Variants in EYS observed in about 807,000 individuals in gnomAD.
EYS encodes protein eyes shut homolog.
EYS carries 250 observed loss-of-function variants against 282.1 expected under a neutral mutation model. The observed-to-expected ratio is 0.89, with a 90% confidence interval of 0.80 to 0.98. The LOEUF (loss-of-function observed/expected upper bound fraction) is 0.98. EYS is among the 50% of genes least tolerant of loss of function. The pLI is 0.00. For missense variants in EYS, 4,016 were observed against 3,709.0 expected, an observed-to-expected ratio of 1.08 and a Z score of -2.15; for synonymous variants, 1,355 against 1,282.9, an observed-to-expected ratio of 1.06 and a Z score of -1.20.
At chr6:64,856,589 G>A (rs1379699284) in intron 19 of EYS, among the ~76,000 whole-genome samples, 1 of 152,072 alleles carries the variant, frequency 6.6e-6, no homozygotes, top group Non-Finnish European at 1.5e-5. Context: ...GTGAGCCATG[G>A]TGCCTGGCCT....
chr6:64,469,218 G>T, intron 26 of EYS, among the ~76,000 whole-genome samples: 1 of 152,130 alleles, frequency 6.6e-6, no homozygotes, highest in East Asian at 1.9e-4. Context: ...ATCTTATTGT[G>T]ATTTTGATTT....
intron 30 of EYS, among the ~76,000 whole-genome samples, chr6:64,302,314 C>G (rs1398198893): frequency 6.6e-6 from 1 of 152,192 alleles, no homozygotes; most frequent in Non-Finnish European, 1.5e-5. Context: ...ACAGGCACAT[C>G]CCCTCTTTCA....
At chr6:65,020,341 A>T (rs781645937) in intron 13 of EYS, among the ~76,000 whole-genome samples, 1 of 152,172 alleles carries the variant, frequency 6.6e-6, no homozygotes, top group Non-Finnish European at 1.5e-5. Context: ...AAATGGACCC[A>T]TTTCAAAAGG....
At chr6:63,913,785 T>G (rs1764344243) in intron 35 of EYS, among the ~76,000 whole-genome samples, 1 of 152,226 alleles carries the variant, frequency 6.6e-6, no homozygotes, top group Non-Finnish European at 1.5e-5. Flanking sequence ...GCTATGAATA[T>G]TCAGGTACAG....
At chr6:65,209,724 T>C (rs1048553358) in intron 12 of EYS, among the ~76,000 whole-genome samples, 3 of 151,924 alleles carry the variant, frequency 2.0e-5, no homozygotes, top group African/African-American at 7.2e-5. Context: ...CCTGCTAAGC[T>C]TTCTGAGGGT....
At chr6:64,115,694 T>C (rs1459527436) in intron 31 of EYS, among the ~76,000 whole-genome samples, 1 of 152,156 alleles carries the variant, frequency 6.6e-6, no homozygotes, top group Non-Finnish European at 1.5e-5. Flanking sequence ...GCAAAGGTCT[T>C]TACCCACTTA....
intron 24 of EYS, among the ~76,000 whole-genome samples, chr6:64,601,290 A>T (rs1430887982): frequency 6.6e-6 from 1 of 152,102 alleles, no homozygotes; most frequent in Non-Finnish European, 1.5e-5. Context: ...ATACATTTTT[A>T]TATAACCAAC....
intron 26 of EYS, among the ~76,000 whole-genome samples, chr6:64,448,762 C>T (rs1775210924): frequency 6.6e-6 from 1 of 152,186 alleles, no homozygotes. Flanking sequence ...GAGTGGACCT[C>T]CAGTAAACTC....
At chr6:65,094,822 A>C (rs1009388795) in intron 12 of EYS, among the ~76,000 whole-genome samples, 1 of 151,284 alleles carries the variant, frequency 6.6e-6, no homozygotes, top group Admixed American at 6.6e-5. Flanking sequence ...CTGGAAAAGG[A>C]ATAACAAATT....
At chr6:64,464,156 AC>A (rs1471107752) in intron 26 of EYS, among the ~76,000 whole-genome samples, 1 of 152,212 alleles carries the variant, frequency 6.6e-6, no homozygotes, top group Non-Finnish European at 1.5e-5. Context: ...ACCCAAATCT[AC>A]AATTGTGATA....
intron 22 of EYS, among the ~76,000 whole-genome samples, chr6:64,727,282 A>C (rs1245459698): frequency 6.6e-6 from 1 of 151,114 alleles, no homozygotes; most frequent in Non-Finnish European, 1.5e-5. Context: ...TTGCGTAATT[A>C]TGCTTTTTTT....
At chr6:63,842,011 TG>T (rs1771974099) in intron 36 of EYS, among the ~76,000 whole-genome samples, 1 of 152,230 alleles carries the variant, frequency 6.6e-6, no homozygotes, top group South Asian at 2.1e-4. Context: ...CTATCATTGA[TG>T]GGCATTCAGG....
At chr6:64,937,078 A>G (rs905251463) in intron 15 of EYS, among the ~76,000 whole-genome samples, 7 of 151,656 alleles carry the variant, frequency 4.6e-5, no homozygotes, top group African/African-American at 1.7e-4. Flanking sequence ...ATCCTGAGAC[A>G]ACTGGATATT....
chr6:64,552,233 C>A (rs1473509618), intron 26 of EYS, among the ~76,000 whole-genome samples: 1 of 152,170 alleles, frequency 6.6e-6, no homozygotes, highest in South Asian at 2.1e-4. Flanking sequence ...ACAGAACAGA[C>A]TCTTTGTAGC....
At chr6:64,931,290 T>A (rs183524279) in intron 15 of EYS, among the ~76,000 whole-genome samples, 1 of 152,256 alleles carries the variant, frequency 6.6e-6, no homozygotes, top group East Asian at 1.9e-4. Flanking sequence ...TATAATTTTC[T>A]TCAAATAGCA....
At chr6:63,947,761 CCT>C (rs1217878139) in intron 35 of EYS, among the ~76,000 whole-genome samples, 2 of 152,086 alleles carry the variant, frequency 1.3e-5, no homozygotes, top group African/African-American at 4.8e-5. Context: ...AAAAATGCCC[CCT>C]GACAGAAAGC....
intron 31 of EYS, among the ~76,000 whole-genome samples, chr6:64,148,864 A>G (rs1774609737): frequency 6.6e-6 from 1 of 152,196 alleles, no homozygotes; most frequent in Admixed American, 6.6e-5. Context: ...AAAATGTTAT[A>G]AATTTCAAAT....
At chr6:64,335,253 C>A (rs1770801389) in intron 29 of EYS, among the ~76,000 whole-genome samples, 1 of 144,248 alleles carries the variant, frequency 6.9e-6, no homozygotes, top group Non-Finnish European at 1.5e-5. Context: ...CCCCCCACCC[C>A]CCCTCCCGAC....
chr6:64,618,048 G>T (rs552680656), intron 23 of EYS, among the ~76,000 whole-genome samples: 2 of 152,036 alleles, frequency 1.3e-5, no homozygotes, highest in Non-Finnish European at 2.9e-5. Context: ...TGATTCTATA[G>T]AATATAAGTA....
Sources: allele counts gnomAD v4.1 joint callset (sites outside exome capture counted in the v4.1 genomes callset), GRCh38; gene constraint gnomAD v4.1.1; transcripts MANE v1.5; gene names NCBI Gene and HGNC (gene_info 2026-07-23, HGNC 2026-07-21).